TTLL9: variants seen among roughly 807,000 people sequenced by gnomAD.
TTLL9 encodes the protein probable tubulin polyglutamylase TTLL9.
A neutral mutation model predicts 65.6 loss-of-function variants in TTLL9; 47 were observed. The observed-to-expected ratio is 0.72, with a 90% CI of 0.57 to 0.91. TTLL9 has a LOEUF of 0.91. Ranked by LOEUF, TTLL9 falls within the 40% of genes least tolerant of loss-of-function variation. The probability of loss-of-function intolerance (pLI) is 0.00; values close to 1 mark genes in which losing one functional copy is unlikely to be tolerated. For synonymous variants in TTLL9, 179 were observed against 204.8 expected, an observed-to-expected ratio of 0.87 and a Z score of 1.07; for missense variants, 537 against 568.8, an observed-to-expected ratio of 0.94 and a Z score of 0.57.
chr20:31,926,930 T>C (rs1410080115), intron 10 of TTLL9, among the ~76,000 whole-genome samples: 1 of 151,220 alleles, frequency 6.6e-6, no homozygotes, highest in Non-Finnish European at 1.5e-5. Context: ...CATAGTGAGA[T>C]CCTGTCTCTA....
At chr20:31,908,240 G>A (rs2063589773) in intron 4 of TTLL9, among the ~76,000 whole-genome samples, 1 of 152,196 alleles carries the variant, frequency 6.6e-6, no homozygotes, top group African/African-American at 2.4e-5. Flanking sequence ...AGGCTGAGTG[G>A]CTGTCACACC....
chr20:31,915,135 A>G (rs866889083), intron 6 of TTLL9, among the ~76,000 whole-genome samples: 1 of 152,228 alleles, frequency 6.6e-6, no homozygotes, highest in Non-Finnish European at 1.5e-5. Flanking sequence ...TAGATGGCAA[A>G]GTCACGGGCA....
intron 3 of TTLL9, among the ~76,000 whole-genome samples, chr20:31,893,724 T>A (rs2063342602): frequency 6.6e-6 from 1 of 151,992 alleles, no homozygotes. Flanking sequence ...ATGGTTTACC[T>A]GGGTGTAGTT....
intron 10 of TTLL9, among the ~76,000 whole-genome samples, chr20:31,931,078 C>CTTTTTT (rs60315473): frequency 8.0e-6 from 1 of 125,238 alleles, no homozygotes; most frequent in Non-Finnish European, 1.6e-5. Context: ...TCCTCTTTTC[C>CTTTTTT]TTTTTTTTTT....
Position 31,943,752 on chromosome 20 carries a change from A to C in TTLL9, c.*731A>C. 2.2e-6 allele frequency: 1 copy of C among 456,754 alleles called. No individual in the cohort carries two copies. Among genetic ancestry groups the C allele is most frequent in the Admixed American group, 2.3e-5 (1 of 42,586 alleles). The allele number at this position is 456,754 out of a possible 1,614,324, so 28.3% of individuals were successfully genotyped here. A position where few individuals can be genotyped will look rare whatever the true frequency, so the allele number is the denominator to read the frequency against. ...TTTATCTAAGTCAGATGGGTGACTTAAGTGCTTCTCTAGGCCTTGTGTTTG... is the reference window on the plus strand; with the variant it reads ...TTTATCTAAGTCAGATGGGTGACTTCAGTGCTTCTCTAGGCCTTGTGTTTG... On this transcript the variant is annotated 3_prime_UTR_variant, in exon 15 of 15. Transcript: ENST00000535842.
intron 2 of TTLL9, among the ~76,000 whole-genome samples, chr20:31,873,834 AAGAAAGAAAG>A (rs2062995705): frequency 1.3e-5 from 1 of 78,244 alleles, no homozygotes; most frequent in Non-Finnish European, 2.9e-5. Context: ...GAAAGAAAGA[AAGAAAGAAAG>A]AAAGAAAGAA....
chr20:31,896,008 GT>G (rs2063382222), intron 3 of TTLL9, among the ~76,000 whole-genome samples: 1 of 151,516 alleles, frequency 6.6e-6, no homozygotes, highest in South Asian at 2.1e-4. Context: ...CCCGGCTAAT[GT>G]TTGTATTTTT....
intron 2 of TTLL9, among the ~76,000 whole-genome samples, chr20:31,881,196 C>CA (rs1376390412): frequency 6.6e-6 from 1 of 152,088 alleles, no homozygotes; most frequent in Non-Finnish European, 1.5e-5. Flanking sequence ...CCTCTCACAA[C>CA]AAAAAATGAG....
chr20:31,890,015 TTTCTTTCTTTCTTTCTTTCC>T (rs2063269705), intron 3 of TTLL9, among the ~76,000 whole-genome samples: 1 of 143,474 alleles, frequency 7.0e-6, no homozygotes, highest in African/African-American at 2.8e-5. Flanking sequence ...TCTTTCTTTC[TTTCTTTCTTTCTTTCTTTCC>T]TTCCTTCCTT....
intron 5 of TTLL9, 54 bp downstream of exon 5, chr20:31,908,756 G>A: frequency 1.5e-6 from 2 of 1,369,076 alleles, no homozygotes; most frequent in Non-Finnish European, 2.1e-6. Context: ...CACTGGGTGT[G>A]GCCATGAGCT....
At chr20:31,941,405 C>A (rs1390199131) in intron 14 of TTLL9, among the ~76,000 whole-genome samples, 1 of 152,006 alleles carries the variant, frequency 6.6e-6, no homozygotes, top group African/African-American at 2.4e-5. Context: ...TGGAAAGCGG[C>A]GGTTCTCTAT....
At chr20:31,912,206 CG>C (rs1568795459) in intron 6 of TTLL9, among the ~76,000 whole-genome samples, 1 of 152,100 alleles carries the variant, frequency 6.6e-6, no homozygotes, top group Non-Finnish European at 1.5e-5. Flanking sequence ...CAGGAAACAC[CG>C]TCTCTTTGCT....
chr20:31,898,415 T>TGAGG, intron 3 of TTLL9, 58 bp from the exon 4 acceptor site: 1 of 1,501,492 alleles, frequency 6.7e-7, no homozygotes, highest in East Asian at 2.3e-5. Flanking sequence ...TTCCTCTCCT[T>TGAGG]GCGCCATCCT....
chr20:31,938,368 T>G (rs757067818), intron 13 of TTLL9: 4 of 363,934 alleles, frequency 1.1e-5, no homozygotes, highest in Non-Finnish European at 2.2e-5. Flanking sequence ...CCCAAGGTAC[T>G]CTTGGACTGA....
chr20:31,899,647 G>C (rs202011592), intron 4 of TTLL9, among the ~76,000 whole-genome samples: 1 of 121,984 alleles, frequency 8.2e-6, no homozygotes, highest in African/African-American at 3.3e-5. Context: ...AAAAAAAAGA[G>C]AGAGAGAGAA....
At chr20:31,879,039 C>A (rs1280252955) in intron 2 of TTLL9, among the ~76,000 whole-genome samples, 1 of 152,166 alleles carries the variant, frequency 6.6e-6, no homozygotes, top group Non-Finnish European at 1.5e-5. Flanking sequence ...CTTCAATGAG[C>A]TGGCCGGGTG....
At chr20:31,937,288 G>T in intron 12 of TTLL9, 108 bp from the exon 13 acceptor site, 1 of 702,016 alleles carries the variant, frequency 1.4e-6, no homozygotes, top group East Asian at 2.6e-5. Context: ...AGAGTAGCCT[G>T]GATTGAATTG....
intron 3 of TTLL9, among the ~76,000 whole-genome samples, chr20:31,897,259 G>T (rs1275994949): frequency 6.6e-6 from 1 of 152,160 alleles, no homozygotes; most frequent in Non-Finnish European, 1.5e-5. Context: ...TGTAGTAATT[G>T]TGCTTTTTGA....
At chr20:31,923,392 T>G (rs2063844032) in intron 8 of TTLL9, among the ~76,000 whole-genome samples, 1 of 152,226 alleles carries the variant, frequency 6.6e-6, no homozygotes, top group African/African-American at 2.4e-5. Context: ...TCCTGGAGCT[T>G]ACACCTGTGA....
Sources: allele counts gnomAD v4.1 joint callset (sites outside exome capture counted in the v4.1 genomes callset), GRCh38; gene constraint gnomAD v4.1.1; transcripts MANE v1.5; gene names NCBI Gene and HGNC (gene_info 2026-07-23, HGNC 2026-07-21).